Variants in ACTR3C observed in about 807,000 individuals in gnomAD.
ACTR3C encodes the protein actin-related protein 3C.
ACTR3C carries 18 observed loss-of-function variants against 26.3 expected under a neutral mutation model. The ratio of observed to expected loss-of-function variants is 0.68; its 90% CI spans 0.47 to 1.01. The LOEUF (loss-of-function observed/expected upper bound fraction) is 1.01, where lower values mean the gene tolerates loss of function less well. ACTR3C is among the 50% of genes least tolerant of loss of function. The pLI is 0.00. For synonymous variants in ACTR3C, 55 were observed against 94.5 expected (o/e 0.58, Z 2.42); for missense variants, 184 against 250.7 (o/e 0.73, Z 1.80).
At chr7:150,226,679 C>G in the ACTR3C span, among the ~76,000 whole-genome samples, 1 of 152,284 alleles carries the variant, frequency 6.6e-6, no homozygotes, top group East Asian at 1.9e-4. Context: ...CTCAAGTGAT[C>G]CATCTGCCTT....
the ACTR3C span, among the ~76,000 whole-genome samples, chr7:150,089,103 A>G: frequency 6.6e-6 from 1 of 152,190 alleles, no homozygotes; most frequent in East Asian, 1.9e-4. Context: ...TAGTGAACAA[A>G]TAAAATTTTT....
the ACTR3C span, among the ~76,000 whole-genome samples, chr7:150,094,784 C>T: frequency 4.7e-3 from 700 of 150,454 alleles, 49 homozygotes; most frequent in African/African-American, 0.016. Flanking sequence ...TGGGGAATGG[C>T]GGCAGTGAGG....
At chr7:149,917,925 C>T in the ACTR3C span, among the ~76,000 whole-genome samples, 141,518 of 151,822 alleles carry the variant, frequency 0.93, 66,798 homozygotes, top group East Asian at 1. Flanking sequence ...ACAGTTTAAA[C>T]ATGGTTTTGA....
At chr7:150,019,599 A>AAATAATAATAAT in the ACTR3C span, among the ~76,000 whole-genome samples, 3,386 of 109,726 alleles carry the variant, frequency 0.031, 107 homozygotes, top group African/African-American at 0.083. Context: ...TCAAAAATAA[A>AAATAATAATAAT]AATAATAATA....
chr7:150,033,741 G>C, the ACTR3C span, among the ~76,000 whole-genome samples: 10 of 150,994 alleles, frequency 6.6e-5, no homozygotes, highest in Non-Finnish European at 1.5e-4. Context: ...ATAGCTCTCA[G>C]TCCCCACCCT....
the ACTR3C span, among the ~76,000 whole-genome samples, chr7:150,032,680 T>C: frequency 7.4e-6 from 1 of 135,938 alleles, no homozygotes; most frequent in Non-Finnish European, 1.7e-5. Flanking sequence ...GTTTTGGGAA[T>C]ATCATGTCAG....
the ACTR3C span, among the ~76,000 whole-genome samples, chr7:150,222,225 A>G: frequency 6.6e-6 from 1 of 152,226 alleles, no homozygotes; most frequent in South Asian, 2.1e-4. Flanking sequence ...ATGAAGGCTC[A>G]GCTTGGAGAT....
the ACTR3C span, among the ~76,000 whole-genome samples, chr7:149,955,154 T>A: frequency 2.0e-5 from 3 of 152,188 alleles, no homozygotes; most frequent in African/African-American, 7.2e-5. Flanking sequence ...CCAACAGAAA[T>A]GCATGCTAGG....
chr7:150,135,136 G>T, the ACTR3C span, among the ~76,000 whole-genome samples: 1 of 152,242 alleles, frequency 6.6e-6, no homozygotes, highest in African/African-American at 2.4e-5. Context: ...GCCAGGCGTG[G>T]TGGTGGGCGC....
At chr7:150,100,046 C>G in the ACTR3C span, among the ~76,000 whole-genome samples, 1 of 151,650 alleles carries the variant, frequency 6.6e-6, no homozygotes, top group East Asian at 1.9e-4. Context: ...ACTTGGAAGC[C>G]AAAATAACTT....
the ACTR3C span, among the ~76,000 whole-genome samples, chr7:150,201,751 CAA>C: frequency 5.1e-4 from 60 of 118,056 alleles, no homozygotes; most frequent in East Asian, 2.6e-3. Flanking sequence ...AGAGTGAATC[CAA>C]AAAAAAAAAA....
At chr7:149,986,821 A>C in the ACTR3C span, among the ~76,000 whole-genome samples, 1 of 146,602 alleles carries the variant, frequency 6.8e-6, no homozygotes, top group Admixed American at 6.9e-5. Context: ...GACTGCCCAC[A>C]CTTCTATCCA....
the ACTR3C span, among the ~76,000 whole-genome samples, chr7:150,107,746 A>C: frequency 1.3e-5 from 2 of 151,596 alleles, no homozygotes; most frequent in Non-Finnish European, 2.9e-5. Flanking sequence ...AAAATTGGAA[A>C]ATCTTGTGAA....
the ACTR3C span, among the ~76,000 whole-genome samples, chr7:150,223,435 T>C: frequency 6.6e-6 from 1 of 152,100 alleles, no homozygotes; most frequent in Non-Finnish European, 1.5e-5. Context: ...TGTATTGATA[T>C]GTGGAAGTGG....
the ACTR3C span, among the ~76,000 whole-genome samples, chr7:149,975,966 C>T: frequency 1.3e-5 from 2 of 152,240 alleles, no homozygotes; most frequent in Non-Finnish European, 2.9e-5. Flanking sequence ...TCACCAAAAC[C>T]AAAAGTTGAT....
chr7:150,180,211 G>A, the ACTR3C span, among the ~76,000 whole-genome samples: 99,916 of 145,070 alleles, frequency 0.69, 34,219 homozygotes, highest in East Asian at 0.83. Flanking sequence ...AGGCTGAGGC[G>A]GGAGAATGGC....
At chr7:150,034,981 G>C in the ACTR3C span, among the ~76,000 whole-genome samples, 45 of 144,936 alleles carry the variant, frequency 3.1e-4, no homozygotes, top group African/African-American at 1.0e-3. Flanking sequence ...CTCGTGGGGG[G>C]TGCCTCCCCC....
the ACTR3C span, among the ~76,000 whole-genome samples, chr7:150,131,511 A>C: frequency 1.3e-5 from 2 of 152,180 alleles, no homozygotes; most frequent in Non-Finnish European, 2.9e-5. Context: ...CCAAAGGCTT[A>C]CAAGAATCTG....
the ACTR3C span, among the ~76,000 whole-genome samples, chr7:150,050,735 C>A: frequency 6.6e-6 from 1 of 152,022 alleles, no homozygotes; most frequent in African/African-American, 2.4e-5. Context: ...AGATGGAGCG[C>A]CCTTTACCCA....
Sources: allele counts gnomAD v4.1 joint callset (sites outside exome capture counted in the v4.1 genomes callset), GRCh38; gene constraint gnomAD v4.1.1; transcripts MANE v1.5; gene names NCBI Gene and HGNC (gene_info 2026-07-23, HGNC 2026-07-21).